DOCK3: variants seen among roughly 807,000 people sequenced by gnomAD.
The protein encoded by DOCK3 is dedicator of cytokinesis protein 3.
In DOCK3, 60 loss-of-function variants were observed where a neutral mutation model predicts 265.6. The ratio of observed to expected loss-of-function variants is 0.23; its 90% confidence interval spans 0.18 to 0.28. The LOEUF is 0.28. Among genes scored for constraint, DOCK3 ranks in the 10% least tolerant of loss-of-function variants. The pLI, the probability that DOCK3 is intolerant of heterozygous loss-of-function variation, is 1.00. For missense variants in DOCK3, 1,981 were observed against 2,594.3 expected, an observed-to-expected ratio of 0.76 and a Z score of 5.14; for synonymous variants, 881 against 938.0, an observed-to-expected ratio of 0.94 and a Z score of 1.11.
intron 19 of DOCK3, among the ~76,000 whole-genome samples, chr3:51,231,329 A>G (rs1183867148): frequency 2.0e-5 from 3 of 151,608 alleles, no homozygotes; most frequent in Non-Finnish European, 4.4e-5. Context: ...CGGTTTTGCC[A>G]TGTTGGCCAG....
At chr3:50,765,980 G>T (rs1337950862) in intron 1 of DOCK3, among the ~76,000 whole-genome samples, 1 of 151,848 alleles carries the variant, frequency 6.6e-6, no homozygotes, top group East Asian at 1.9e-4. Flanking sequence ...TACATCTGTG[G>T]GATCAACTTT....
At chr3:50,697,521 G>T (rs2035710340) in intron 1 of DOCK3, among the ~76,000 whole-genome samples, 1 of 152,156 alleles carries the variant, frequency 6.6e-6, no homozygotes, top group African/African-American at 2.4e-5. Flanking sequence ...AGCCCAGGAG[G>T]CGGAGGTTGC....
At chr3:51,209,560 C>A (rs192403818) in intron 13 of DOCK3, among the ~76,000 whole-genome samples, 87 of 152,268 alleles carry the variant, frequency 5.7e-4, no homozygotes, top group Non-Finnish European at 1.2e-3. Context: ...TTACGCAGAA[C>A]CAGGTTACTC....
intron 5 of DOCK3, among the ~76,000 whole-genome samples, chr3:51,036,280 A>G (rs929813576): frequency 1.1e-4 from 16 of 152,168 alleles, no homozygotes; most frequent in African/African-American, 3.6e-4. Context: ...CTCCAATACT[A>G]TATTCCTCCT....
At chr3:50,989,645 T>C (rs754207036) in intron 5 of DOCK3, among the ~76,000 whole-genome samples, 8 of 143,206 alleles carry the variant, frequency 5.6e-5, no homozygotes, top group Non-Finnish European at 1.2e-4. Flanking sequence ...CAGAAAAGTC[T>C]ATTGACTGTA....
Position 50,675,539 on chromosome 3 carries a change from C to A in DOCK3, c.37+239C>A, listed in dbSNP as rs1049219988. On this transcript the variant is annotated intron_variant, in intron 1 of 52. Coordinates refer to ENST00000266037, the MANE Select transcript of DOCK3 (RefSeq NM_004947.5). The surrounding 1 kb of genome is among the most constrained non-coding windows in gnomAD (Gnocchi z 6.1). Reference sequence around the variant, plus strand: ...GGCGGTGCGGCCTTGGCAGGTGCGGCCCGCGGGAGGGGTGGGCAAGGCCCG... The same window carrying A: ...GGCGGTGCGGCCTTGGCAGGTGCGGACCGCGGGAGGGGTGGGCAAGGCCCG... Among the ~76,000 whole-genome samples, 2 of 152,068 alleles carry A rather than the reference C, an allele frequency of 1.3e-5. No individual in the cohort carries two copies. The highest frequency in any genetic ancestry group is 4.8e-5 in the African/African-American group (2 of 41,426).
At chr3:51,318,099 G>T (rs2083474318) in intron 32 of DOCK3, among the ~76,000 whole-genome samples, 1 of 152,064 alleles carries the variant, frequency 6.6e-6, no homozygotes, top group African/African-American at 2.4e-5. Flanking sequence ...CAAATTGGGG[G>T]CCGGGCACAG....
At position 51,034,397 on chromosome 3, in the gene DOCK3, C is replaced by T. The variant is rs190822199; in HGVS notation, c.316-30051C>T. ...TCAGCTTTTAAGATATACTTCTTTG[C>T]ATTATTTTTTGGTTATTACAGTAGG... On this transcript the variant is annotated intron_variant, in intron 5 of 52. Coordinates refer to ENST00000266037, the MANE Select transcript of DOCK3 (RefSeq NM_004947.5). Among the ~76,000 whole-genome samples the T allele has an allele frequency of 8.4e-4, 127 of 151,878 alleles. 1 individual carries two copies. In the South Asian group the frequency reaches 0.015, roughly 18 times the overall value.
At position 51,312,006 on chromosome 3, in the gene DOCK3, T is replaced by C. The variant is rs1213954532; in HGVS notation, c.3020T>C (p.Ile1007Thr). Residue 1007 changes from isoleucine to threonine, a missense_variant and splice_region_variant, in exon 29 of 53, where the codon ATT becomes ACT. Transcript: ENST00000266037. ...AATGCCTTGTTTCCTTACTGCAGTATTATAGTCACTACTGTCCAGTACCTG... is the reference window on the plus strand; with the variant it reads ...AATGCCTTGTTTCCTTACTGCAGTACTATAGTCACTACTGTCCAGTACCTG... ...WMVMRLLTSN[I>T]IVTTVQYLSS... The C allele has an allele frequency of 6.3e-7, 1 of 1,597,066 alleles. No homozygotes were observed. Among genetic ancestry groups the C allele is most frequent in the Non-Finnish European group, 8.5e-7 (1 of 1,170,514 alleles).
intron 1 of DOCK3, among the ~76,000 whole-genome samples, chr3:50,718,838 G>T (rs2037293881): frequency 7.2e-6 from 1 of 139,082 alleles, no homozygotes; most frequent in Admixed American, 7.8e-5. Flanking sequence ...AGGCCAGAGT[G>T]CAGTGGCACG....
At chr3:50,894,525 A>C (rs1016755685) in intron 4 of DOCK3, among the ~76,000 whole-genome samples, 3 of 152,132 alleles carry the variant, frequency 2.0e-5, no homozygotes, top group Non-Finnish European at 2.9e-5. Flanking sequence ...AGCATACAAA[A>C]GTATACAATT....
chr3:50,738,414 G>T (rs1254918976), intron 1 of DOCK3, among the ~76,000 whole-genome samples: 2 of 152,224 alleles, frequency 1.3e-5, no homozygotes, highest in East Asian at 3.9e-4. Flanking sequence ...GAGTCCATGG[G>T]AGCTGACCTA....
intron 39 of DOCK3, 74 bp downstream of exon 39, chr3:51,349,012 G>A: frequency 1.4e-6 from 2 of 1,392,704 alleles, no homozygotes; most frequent in Non-Finnish European, 2.0e-6. Flanking sequence ...TATGGGCCCA[G>A]CCCTTAGTTT....
At chr3:51,291,418 C>T (rs935278341) in intron 27 of DOCK3, among the ~76,000 whole-genome samples, 2 of 152,064 alleles carry the variant, frequency 1.3e-5, no homozygotes, top group Non-Finnish European at 2.9e-5. Flanking sequence ...AAATAGAAGA[C>T]GTTACAACTG....
chr3:50,955,867 C>G (rs2076715750), intron 5 of DOCK3, among the ~76,000 whole-genome samples: 1 of 152,162 alleles, frequency 6.6e-6, no homozygotes, highest in Non-Finnish European at 1.5e-5. Context: ...CAGTTGATTG[C>G]TTACCACTAA....
At chr3:50,928,819 G>T (rs1486100939) in intron 4 of DOCK3, among the ~76,000 whole-genome samples, 3 of 152,246 alleles carry the variant, frequency 2.0e-5, no homozygotes, top group Admixed American at 2.0e-4. Flanking sequence ...ACTTTACAGT[G>T]GTACGAAAGT....
At chr3:50,886,491 C>T (rs2048345545) in intron 3 of DOCK3, among the ~76,000 whole-genome samples, 1 of 151,592 alleles carries the variant, frequency 6.6e-6, no homozygotes, top group Non-Finnish European at 1.5e-5. Flanking sequence ...ATGTGCCATG[C>T]TGGTGCGCTG....
At chr3:51,302,282 A>G (rs182184021) in intron 27 of DOCK3, among the ~76,000 whole-genome samples, 1 of 152,294 alleles carries the variant, frequency 6.6e-6, no homozygotes, top group East Asian at 1.9e-4. Flanking sequence ...TTTGCTCGGT[A>G]AATTTTTCTC....
At position 51,127,271 on chromosome 3, in the gene DOCK3, C is replaced by G. The variant is rs181875981; in HGVS notation, c.747-19278C>G. ...TGACTCAAATGTTAATCTCCTTTGG[C>G]AGCACCCTCACAGACATACCACGAT... On this transcript the variant is annotated intron_variant, in intron 9 of 52. Coordinates refer to ENST00000266037, the MANE Select transcript of DOCK3 (RefSeq NM_004947.5). 2.7e-3 allele frequency among the ~76,000 whole-genome samples: 405 copies of G among 152,262 alleles called. 2 individuals are homozygous for G. Among genetic ancestry groups the G allele is most frequent in the African/African-American group, 9.0e-3 (375 of 41,544 alleles).
Sources: allele counts gnomAD v4.1 joint callset (sites outside exome capture counted in the v4.1 genomes callset), GRCh38; gene constraint gnomAD v4.1.1; non-coding constraint Gnocchi (gnomAD v3.1); transcripts MANE v1.5; gene names NCBI Gene and HGNC (gene_info 2026-07-23, HGNC 2026-07-21).